Variants in FRMPD4 observed in about 807,000 individuals in gnomAD.
The protein encoded by FRMPD4 is FERM and PDZ domain containing 4.
A neutral mutation model predicts 94.1 loss-of-function variants in FRMPD4; 22 were observed. That is an observed-to-expected ratio of 0.23 (90% CI 0.17 to 0.33). The LOEUF is 0.33. Among genes scored for constraint, FRMPD4 ranks in the 10% least tolerant of loss-of-function variants. The probability of loss-of-function intolerance (pLI) is 1.00; values close to 1 mark genes in which losing one functional copy is unlikely to be tolerated. For synonymous variants in FRMPD4, 631 were observed against 548.6 expected, an observed-to-expected ratio of 1.15 and a Z score of -2.10; for missense variants, 1,111 against 1,339.9, an observed-to-expected ratio of 0.83 and a Z score of 2.67.
At chrX:12,223,866 T>G (rs1198861865) in intron 1 of FRMPD4, among the ~76,000 whole-genome samples, 3 of 112,291 alleles carry the variant, frequency 2.7e-5, no homozygotes, top group Non-Finnish European at 5.6e-5. Flanking sequence ...GTTAAGTGTC[T>G]TTTGAAATCT....
At chrX:12,460,185 G>C (rs771714745) in intron 1 of FRMPD4, among the ~76,000 whole-genome samples, 1 of 111,740 alleles carries the variant, frequency 8.9e-6, no homozygotes, top group Admixed American at 9.5e-5. Context: ...TATACTTCAC[G>C]TATATTTTCT....
chrX:12,476,556 A>G lies in FRMPD4; in HGVS notation c.42-22124A>G, dbSNP rs1379809722. ...TACAGTATGGGAGAACATTTTTGCA[A>G]TCTACTCATCTGACAAAAGGCTAAT... On this transcript the variant is annotated intron_variant, in intron 1 of 16. Transcript: ENST00000675598. Among the ~76,000 whole-genome samples, 6 of 111,351 alleles carry G rather than the reference A, an allele frequency of 5.4e-5. No homozygotes were observed. In the East Asian group the frequency reaches 1.1e-3, roughly 21 times the overall value.
At chrX:12,503,602 A>G (rs919344501) in intron 2 of FRMPD4, among the ~76,000 whole-genome samples, 6 of 111,785 alleles carry the variant, frequency 5.4e-5, no homozygotes, top group Non-Finnish European at 9.4e-5. Flanking sequence ...TGGCTTATCT[A>G]TCTATAGAAA....
At chrX:11,862,836 AATAG>A (rs967835797) in intron 1 of FRMPD4, among the ~76,000 whole-genome samples, 6 of 110,646 alleles carry the variant, frequency 5.4e-5, no homozygotes, top group African/African-American at 2.0e-4. Context: ...TTTGCTAATA[AATAG>A]ATAAATAAAT....
intron 1 of FRMPD4, among the ~76,000 whole-genome samples, chrX:12,476,416 T>C (rs1214784069): frequency 8.9e-6 from 1 of 111,853 alleles, no homozygotes; most frequent in Non-Finnish European, 1.9e-5. Flanking sequence ...AAGGACTTCA[T>C]GTCTAAAACA....
Position 12,185,446 on chromosome X carries a change from T to C in FRMPD4, c.41+46434T>C, listed in dbSNP as rs144817381. On this transcript the variant is annotated intron_variant, in intron 1 of 16. Coordinates refer to ENST00000675598, the MANE Select transcript of FRMPD4 (RefSeq NM_001368397.1). ...GGGTACAAAGATAACACCTCCCAAG[T>C]GAATATCATTAAGAATTACTGGAGC... 4.9e-3 allele frequency among the ~76,000 whole-genome samples: 545 copies of C among 111,142 alleles called. 5 individuals are homozygous for C. Among genetic ancestry groups the C allele is most frequent in the African/African-American group, 0.017 (520 of 30,573 alleles).
At chrX:12,190,688 C>A (rs1345187072) in intron 1 of FRMPD4, among the ~76,000 whole-genome samples, 2 of 78,347 alleles carry the variant, frequency 2.6e-5, no homozygotes, top group African/African-American at 9.1e-5. Context: ...AACGGGACAT[C>A]CACATTAAAA....
chrX:12,676,346 A>G (rs945141252), intron 5 of FRMPD4, among the ~76,000 whole-genome samples: 4 of 112,487 alleles, frequency 3.6e-5, no homozygotes, highest in African/African-American at 1.3e-4. Context: ...ACATCTATAC[A>G]CATTTCTTGA....
In FRMPD4 at chrX:11,973,593, G is replaced by C. The variant is rs770406056; in HGVS notation, c.95+95575G>C. 1.1e-4 allele frequency among the ~76,000 whole-genome samples: 12 copies of C among 112,221 alleles called. No homozygotes were observed. In the South Asian group the frequency reaches 4.4e-3, roughly 41 times the overall value. On this transcript the variant is annotated intron_variant, in intron 3 of 18. Transcript: ENST00000640291. ...TCAGGAGCATATCTGGATAAAGGCA[G>C]CTAATTGACTATAAAGCTTATCTTC...
intron 4 of FRMPD4, among the ~76,000 whole-genome samples, chrX:12,665,247 C>A (rs2059763274): frequency 9.0e-6 from 1 of 111,362 alleles, no homozygotes; most frequent in African/African-American, 3.3e-5. Flanking sequence ...TTGAGACCAT[C>A]CTGGCTAACA....
At chrX:11,930,107 CAAAAAAAAAAAAAAAAA>C (rs55973946) in intron 3 of FRMPD4, among the ~76,000 whole-genome samples, 62 of 13,257 alleles carry the variant, frequency 4.7e-3, no homozygotes, top group Non-Finnish European at 6.5e-3. Context: ...GACTCTGTCT[CAAAAAAAAAAAAAAAAA>C]AAAAAAAAAA....
chrX:12,135,625 G>A (rs748363725), upstream of FRMPD4, among the ~76,000 whole-genome samples: 11 of 108,891 alleles, frequency 1.0e-4, no homozygotes, highest in South Asian at 4.1e-4. Flanking sequence ...ATTCATAACC[G>A]TAGCGCACAA....
intron 3 of FRMPD4, among the ~76,000 whole-genome samples, chrX:12,041,663 T>C (rs754990003): frequency 9.1e-6 from 1 of 110,387 alleles, no homozygotes; most frequent in African/African-American, 3.3e-5. Flanking sequence ...TGGGGCTGAT[T>C]GAGCTTCTTG....
chrX:12,047,557 G>A (rs997387617), intron 3 of FRMPD4, among the ~76,000 whole-genome samples: 1 of 111,879 alleles, frequency 8.9e-6, no homozygotes, highest in Non-Finnish European at 1.9e-5. Flanking sequence ...TGTTACCTGA[G>A]TATTTTGTGT....
At chrX:12,372,948 G>A (rs2056183131) in intron 1 of FRMPD4, among the ~76,000 whole-genome samples, 1 of 111,811 alleles carries the variant, frequency 8.9e-6, no homozygotes, top group Admixed American at 9.5e-5. Context: ...GCAAGGAGTT[G>A]ATGGACCAAA....
intron 3 of FRMPD4, among the ~76,000 whole-genome samples, chrX:11,988,923 T>C (rs2054448792): frequency 9.0e-6 from 1 of 111,590 alleles, no homozygotes; most frequent in Admixed American, 9.5e-5. Flanking sequence ...TCACCCCAAT[T>C]AAAATAGCTT....
At chrX:12,123,123 C>CTTTTTTTTTTTTTTTTTTTT (rs58251577) in intron 3 of FRMPD4, among the ~76,000 whole-genome samples, 1 of 84,332 alleles carries the variant, frequency 1.2e-5, no homozygotes. Context: ...ATTTTCTTTT[C>CTTTTTTTTTTTTTTTTTTTT]TTTTTTTTTT....
At chrX:11,962,889 C>T (rs754187670) in intron 3 of FRMPD4, among the ~76,000 whole-genome samples, 1 of 111,607 alleles carries the variant, frequency 9.0e-6, no homozygotes, top group Non-Finnish European at 1.9e-5. Context: ...ATTCTCAGCA[C>T]AATCTCTTCT....
At chrX:12,287,104 C>G (rs1211015265) in intron 1 of FRMPD4, among the ~76,000 whole-genome samples, 2 of 112,335 alleles carry the variant, frequency 1.8e-5, no homozygotes, top group African/African-American at 6.5e-5. Flanking sequence ...ATGTTCTGTG[C>G]ACTATCTAGA....
Sources: allele counts gnomAD v4.1 joint callset (sites outside exome capture counted in the v4.1 genomes callset), GRCh38; gene constraint gnomAD v4.1.1; transcripts MANE v1.5; gene names NCBI Gene and HGNC (gene_info 2026-07-23, HGNC 2026-07-21).